Variants in MBTPS1 observed in about 807,000 individuals in gnomAD.
MBTPS1 encodes the protein membrane bound transcription factor peptidase, site 1.
MBTPS1 carries 94 observed loss-of-function variants against 127.8 expected under a neutral mutation model. The observed-to-expected ratio is 0.74, with a 90% CI of 0.62 to 0.87. The LOEUF (loss-of-function observed/expected upper bound fraction) is 0.87, where lower values mean the gene tolerates loss of function less well. MBTPS1 is among the 40% of genes least tolerant of loss of function. The pLI, the probability that MBTPS1 is intolerant of heterozygous loss-of-function variation, is 0.00. For missense variants in MBTPS1, 1,636 were observed against 1,353.2 expected (o/e 1.21, Z -3.28); for synonymous variants, 632 against 509.4 (o/e 1.24, Z -3.24).
Position 84,065,692 on chromosome 16 carries a change from T to G in MBTPS1, c.2429A>C (p.Gln810Pro). 6.2e-7 allele frequency: 1 copy of G among 1,611,800 alleles called. No homozygotes were observed. Among genetic ancestry groups the G allele is most frequent in the Non-Finnish European group, 8.5e-7 (1 of 1,178,160 alleles). Residue 810 changes from glutamine to proline, a missense_variant and splice_region_variant, in exon 18 of 23, where the codon CAA becomes CCA. Physicochemically the swap from Gln to Pro is moderately conservative, Grantham distance 76. Coordinates refer to ENST00000343411, the MANE Select transcript of MBTPS1 (RefSeq NM_003791.4). ...GGCCCATGAATGGCATCCTTTACCT[T>G]GGTCCTTGAAAGTCTGTGTTATCAC... ...GVVITQTFKD[Q>P]GLEVLKQETA...
chr16:84,081,409 G>A (rs2085938429), intron 11 of MBTPS1: 1 of 164,410 alleles, frequency 6.1e-6, no homozygotes, highest in African/African-American at 2.4e-5. Flanking sequence ...GGGGAAACTG[G>A]GCAACCTTGT....
chr16:84,101,489 TCA>T, intron 2 of MBTPS1, 130 bp downstream of exon 2: 2 of 749,580 alleles, frequency 2.7e-6, no homozygotes, highest in Non-Finnish European at 4.1e-6. Context: ...AGACTCTGTC[TCA>T]AAAAAAAAAA....
chr16:84,085,018 A>G lies in MBTPS1; in HGVS notation c.1251T>C (p.Ser417=). The change falls in exon 10 of 23, where the codon TCT becomes TCC. Residue 417 remains serine (S), a synonymous_variant. Coordinates refer to ENST00000343411, the MANE Select transcript of MBTPS1 (RefSeq NM_003791.4). ...AGGTGACAGCACCTGCAACCACTGGAGAAGCAACACTGGTCCCTGAGAGGG... is the reference window on the plus strand; with the variant it reads ...AGGTGACAGCACCTGCAACCACTGGGGAAGCAACACTGGTCCCTGAGAGGG... The part of the protein sequence containing the change: ...CRALSGTSVA[S]PVVAGAVTLL... The G allele has an allele frequency of 6.2e-7, 1 of 1,614,200 alleles. No homozygotes were observed. Among genetic ancestry groups the G allele is most frequent in the South Asian group, 1.1e-5 (1 of 91,074 alleles).
chr16:84,087,717 C>A (rs2086051101), intron 8 of MBTPS1, among the ~76,000 whole-genome samples: 1 of 152,126 alleles, frequency 6.6e-6, no homozygotes, highest in Non-Finnish European at 1.5e-5. Flanking sequence ...GTCAACTTGG[C>A]ACACTGGGGC....
chr16:84,065,799 C>A (rs750977699), intron 17 of MBTPS1, 32 bp from the exon 18 acceptor site: 1 of 1,354,306 alleles, frequency 7.4e-7, no homozygotes, highest in Admixed American at 2.4e-5. Flanking sequence ...CAAGGGAACA[C>A]AGGAACGCCG....
chr16:84,063,262 A>T, intron 19 of MBTPS1, 43 bp downstream of exon 19: 1 of 1,589,588 alleles, frequency 6.3e-7, no homozygotes, highest in Non-Finnish European at 8.6e-7. Flanking sequence ...GGAAGAAAGG[A>T]TCTGAGTGCC....
chr16:84,062,714 C>T (rs142446463), intron 19 of MBTPS1, among the ~76,000 whole-genome samples: 1 of 152,330 alleles, frequency 6.6e-6, no homozygotes, highest in Non-Finnish European at 1.5e-5. Flanking sequence ...CTGTGCCCAA[C>T]CTCAAGCCCC....
In MBTPS1 at chr16:84,060,818, G is replaced by A. The variant is rs1011830404; in HGVS notation, c.2573-5C>T. ...CATCCAGAAGCCAAAAGCAGTCTGCGAAGTCAACAAGCCTGTTTAGGAATT... is the reference window on the plus strand; with the variant it reads ...CATCCAGAAGCCAAAAGCAGTCTGCAAAGTCAACAAGCCTGTTTAGGAATT... On this transcript the variant is annotated splice_polypyrimidine_tract_variant and splice_region_variant and intron_variant, in intron 19 of 22. Transcript: ENST00000343411. The A allele has an allele frequency of 7.6e-6, 12 of 1,568,648 alleles. No individual in the cohort carries two copies. Among genetic ancestry groups the A allele is most frequent in the African/African-American group, 2.7e-5 (2 of 73,958 alleles).
At chr16:84,067,617 A>AT (rs747018866) in intron 16 of MBTPS1, 50 bp downstream of exon 16, 46 of 1,425,332 alleles carry the variant, frequency 3.2e-5, no homozygotes, top group Admixed American at 2.0e-4. Flanking sequence ...GCTGGGTAGA[A>AT]TTTGATTCCC....
At chr16:84,089,164 G>T (rs894669042) in intron 8 of MBTPS1, among the ~76,000 whole-genome samples, 14 of 152,270 alleles carry the variant, frequency 9.2e-5, no homozygotes, top group Non-Finnish European at 2.1e-4. Context: ...AACAGAAGGA[G>T]GACACTCATT....
intron 12 of MBTPS1, among the ~76,000 whole-genome samples, chr16:84,072,339 G>C (rs1396079578): frequency 2.0e-5 from 3 of 152,082 alleles, no homozygotes; most frequent in South Asian, 2.1e-4. Flanking sequence ...CTGATAATGG[G>C]TATAAGGTTT....
intron 4 of MBTPS1, among the ~76,000 whole-genome samples, chr16:84,094,716 A>T (rs1487461594): frequency 6.6e-6 from 1 of 152,232 alleles, no homozygotes; most frequent in African/African-American, 2.4e-5. Context: ...GGAATAAAAA[A>T]TTATTTCTCA....
intron 1 of MBTPS1, among the ~76,000 whole-genome samples, chr16:84,111,933 G>T (rs923309650): frequency 6.6e-6 from 1 of 151,424 alleles, no homozygotes; most frequent in Non-Finnish European, 1.5e-5. Flanking sequence ...GGGTGCGGTG[G>T]CTCATTCCTG....
At chr16:84,060,594 T>C (rs2085594909) in intron 20 of MBTPS1, 88 bp downstream of exon 20, 2 of 1,495,628 alleles carry the variant, frequency 1.3e-6, no homozygotes, top group Admixed American at 1.8e-5. Flanking sequence ...CTGGCCCCAC[T>C]TGCTGGCAGG....
intron 2 of MBTPS1, 47 bp from the exon 3 acceptor site, chr16:84,099,357 T>C (rs553684146): frequency 6.3e-7 from 1 of 1,576,630 alleles, no homozygotes; most frequent in Admixed American, 1.7e-5. Flanking sequence ...GCACATACAT[T>C]ATAACATATA....
rs1567479041 is a variant in MBTPS1, at chr16:84,070,572, T to C, written c.1782+16A>G. 6.2e-7 allele frequency: 1 copy of C among 1,608,428 alleles called. No individual in the cohort carries two copies. Among genetic ancestry groups the C allele is most frequent in the Admixed American group, 1.7e-5 (1 of 58,546 alleles). ...AAACAGCTAAGAAAACAAGCCACTT[T>C]CCCGCATATCCCTACCTCTGTCTCT... On this transcript the variant is annotated intron_variant, in intron 13 of 22. Transcript: ENST00000343411.
intron 1 of MBTPS1, among the ~76,000 whole-genome samples, chr16:84,113,045 A>C (rs1283575149): frequency 6.6e-6 from 1 of 151,886 alleles, no homozygotes; most frequent in Non-Finnish European, 1.5e-5. Context: ...TCAAATATAT[A>C]TGCTAGATTT....
In MBTPS1 at chr16:84,104,550, A is replaced by G. The variant is rs373161692; in HGVS notation, c.-324-2443T>C. Among the ~76,000 whole-genome samples the G allele has an allele frequency of 8.7e-4, 133 of 152,332 alleles. 1 individual carries two copies. The highest frequency in any genetic ancestry group is 3.2e-3 in the African/African-American group (131 of 41,586). ...AATCTATGACACATGTGGGCTCCAT[A>G]TAACACAAATATAATTAAGTAATAG... On this transcript the variant is annotated intron_variant, in intron 1 of 22. Coordinates refer to ENST00000343411, the MANE Select transcript of MBTPS1 (RefSeq NM_003791.4).
chr16:84,068,431 T>C lies in MBTPS1; in HGVS notation c.1979A>G (p.Asn660Ser). The C allele has an allele frequency of 6.2e-7, 1 of 1,613,680 alleles. No individual in the cohort carries two copies. The highest frequency in any genetic ancestry group is 8.5e-7 in the Non-Finnish European group (1 of 1,179,538). The part of the protein sequence containing the change: ...LDWNGDHIHT[N>S]FRDMYQHLRS... Reference sequence around the variant, plus strand: ...CAGATGCTGGTACATATCCCTGAAATTGGTGTGGATGTGATCACCATTCCT... The same window carrying C: ...CAGATGCTGGTACATATCCCTGAAACTGGTGTGGATGTGATCACCATTCCT... Residue 660 changes from asparagine to serine, a missense_variant, in exon 15 of 23, where the codon AAT becomes AGT. Asn to Ser is a conservative substitution (Grantham distance 46). Coordinates refer to ENST00000343411, the MANE Select transcript of MBTPS1 (RefSeq NM_003791.4).
Sources: allele counts gnomAD v4.1 joint callset (sites outside exome capture counted in the v4.1 genomes callset), GRCh38; gene constraint gnomAD v4.1.1; transcripts MANE v1.5; gene names NCBI Gene and HGNC (gene_info 2026-07-23, HGNC 2026-07-21).